RBM44: variants seen among roughly 807,000 people sequenced by gnomAD.
RBM44 encodes the protein RNA-binding protein 44.
Under a neutral mutation model 105.1 loss-of-function variants are expected in RBM44, and 66 were observed. The ratio of observed to expected loss-of-function variants is 0.63; its 90% CI spans 0.52 to 0.77. The LOEUF (loss-of-function observed/expected upper bound fraction) is 0.77. Among genes scored for constraint, RBM44 ranks in the 30% least tolerant of loss-of-function variants. The pLI, the probability that RBM44 is intolerant of heterozygous loss-of-function variation, is 0.00. For synonymous variants in RBM44, 365 were observed against 417.6 expected, an observed-to-expected ratio of 0.87 and a Z score of 1.54; for missense variants, 1,122 against 1,207.8, an observed-to-expected ratio of 0.93 and a Z score of 1.05.
chr2:237,817,695 T>G lies in RBM44; in HGVS notation c.776T>G (p.Leu259Arg). The G allele has an allele frequency of 6.2e-7, 1 of 1,612,642 alleles. No individual in the cohort carries two copies. The highest frequency in any genetic ancestry group is 8.5e-7 in the Non-Finnish European group (1 of 1,179,244). ...SLDVYGQEESLHVSKFQNSVM... is the reference protein window; with the variant it reads ...SLDVYGQEESRHVSKFQNSVM... Reference sequence around the variant, plus strand: ...GATGTTTATGGACAAGAAGAGTCACTTCATGTCTCCAAATTTCAGAATTCT... The same window carrying G: ...GATGTTTATGGACAAGAAGAGTCACGTCATGTCTCCAAATTTCAGAATTCT... Residue 259 changes from leucine to arginine, a missense_variant, in exon 3 of 16, where the codon CTT becomes CGT. Leu to Arg is a moderately radical substitution (Grantham distance 102, BLOSUM62 -2). Coordinates refer to ENST00000316997, the MANE Select transcript of RBM44 (RefSeq NM_001080504.3).
chr2:237,816,295 T>G (rs1368374156), intron 2 of RBM44, among the ~76,000 whole-genome samples: 1 of 152,176 alleles, frequency 6.6e-6, no homozygotes, highest in Non-Finnish European at 1.5e-5. Context: ...CTATGAAAAC[T>G]ATAAGCACTT....
intron 2 of RBM44, among the ~76,000 whole-genome samples, chr2:237,815,368 C>T (rs2061704067): frequency 6.6e-6 from 1 of 152,140 alleles, no homozygotes; most frequent in Non-Finnish European, 1.5e-5. Flanking sequence ...GAATTGAACT[C>T]ATTATCCTCA....
rs769023778 is a variant in RBM44, at chr2:237,817,999, A to G, written c.1080A>G (p.Thr360=). 2 of 1,613,026 alleles carry G rather than the reference A, an allele frequency of 1.2e-6. No homozygotes were observed. Among genetic ancestry groups the G allele is most frequent in the Non-Finnish European group, 1.7e-6 (2 of 1,179,384 alleles). ...TACTGCACCTTGAAAATCCTAGCAC[A>G]TTACCACAGGATAAAGCTTTAGAGA... The part of the protein sequence containing the change: ...KILLHLENPS[T]LPQDKALETL... Residue 360 remains threonine, a synonymous_variant, in exon 3 of 16, where the codon ACA becomes ACG. Transcript: ENST00000316997.
intron 4 of RBM44, among the ~76,000 whole-genome samples, chr2:237,819,450 C>A (rs1029104030): frequency 2.0e-5 from 3 of 151,912 alleles, no homozygotes; most frequent in Non-Finnish European, 4.4e-5. Context: ...GTCTAAGAAG[C>A]GAAATTAGTT....
At chr2:237,827,568 C>A in intron 12 of RBM44, 65 bp downstream of exon 12, 2 of 920,390 alleles carry the variant, frequency 2.2e-6, no homozygotes, top group Non-Finnish European at 3.4e-6. Context: ...AGGTTCTATA[C>A]CAGATATCAG....
intron 15 of RBM44, among the ~76,000 whole-genome samples, chr2:237,839,418 G>A (rs758744737): frequency 4.6e-5 from 7 of 152,042 alleles, no homozygotes; most frequent in Non-Finnish European, 8.8e-5. Context: ...CTACAGTCAC[G>A]CGCCAACACG....
rs2061728867 is a variant in RBM44 at position 237,817,269 on chromosome 2, C to T, written c.350C>T (p.Ser117Leu). The change falls in exon 3 of 16, where the codon TCA (serine) becomes TTA (leucine). Residue 117 changes from serine to leucine, a missense_variant. Transcript: ENST00000316997. ...FLNKTYSIPY[S>L]ESKLKKESLT... ...AATAAAACATATTCTATACCTTATT[C>T]AGAGTCAAAACTAAAGAAGGAAAGT... 1.9e-6 allele frequency: 3 copies of T among 1,607,688 alleles called. No individual in the cohort carries two copies. Among genetic ancestry groups the T allele is most frequent in the Non-Finnish European group, 2.5e-6 (3 of 1,177,160 alleles).
chr2:237,831,263 T>C (rs2061900733), intron 13 of RBM44, among the ~76,000 whole-genome samples: 2 of 145,574 alleles, frequency 1.4e-5, no homozygotes, highest in South Asian at 2.4e-4. Flanking sequence ...GGGGTTTGTC[T>C]TTGTTTTTGT....
intron 1 of RBM44, among the ~76,000 whole-genome samples, chr2:237,800,945 C>T (rs2061539470): frequency 6.6e-6 from 1 of 152,192 alleles, no homozygotes; most frequent in African/African-American, 2.4e-5. Flanking sequence ...TCTCAAACTC[C>T]TGACCTCAAG....
rs2061735412 is a variant in RBM44 at position 237,817,698 on chromosome 2, A to T, written c.779A>T (p.His260Leu). The change falls in exon 3 of 16, where the codon CAT (histidine) becomes CTT (leucine). Residue 260 changes from histidine to leucine, a missense_variant. Physicochemically the swap from His to Leu is moderately conservative, Grantham distance 99. This residue lies in a region of RBM44 where 918 missense variants were observed against 955.3 expected (regional missense o/e 0.96). Coordinates refer to ENST00000316997, the MANE Select transcript of RBM44 (RefSeq NM_001080504.3). Reference protein sequence around the residue: ...LDVYGQEESLHVSKFQNSVML... With the variant: ...LDVYGQEESLLVSKFQNSVML... ...GTTTATGGACAAGAAGAGTCACTTCATGTCTCCAAATTTCAGAATTCTGTT... is the reference window on the plus strand; with the variant it reads ...GTTTATGGACAAGAAGAGTCACTTCTTGTCTCCAAATTTCAGAATTCTGTT... The T allele has an allele frequency of 1.2e-6, 2 of 1,612,090 alleles. No individual in the cohort carries two copies. The highest frequency in any genetic ancestry group is 3.3e-5 in the Admixed American group (2 of 59,778).
chr2:237,812,047 G>A (rs1280054963), intron 1 of RBM44, among the ~76,000 whole-genome samples: 2 of 151,946 alleles, frequency 1.3e-5, no homozygotes, highest in African/African-American at 2.4e-5. Context: ...GTAGAGACAA[G>A]GTCTCACCAC....
rs542095903 is a variant in RBM44 at position 237,824,191 on chromosome 2, A to T, written c.2321-100A>T. The T allele has an allele frequency of 1.3e-4, 130 of 1,031,482 alleles. No individual in the cohort carries two copies. The South Asian group carries it at 2.2e-3, about 18-fold the overall frequency. 63.9% of individuals were successfully genotyped at this position (1,031,482 alleles called of 1,614,324 possible). ...TCTTTAGATTTATACATAAAACTCT[A>T]GTAGTCATCATCGTACTGATTCATC... On this transcript the variant is annotated intron_variant, in intron 9 of 15. Transcript: ENST00000316997.
intron 9 of RBM44, among the ~76,000 whole-genome samples, chr2:237,823,889 T>G (rs2061819852): frequency 6.6e-6 from 1 of 152,312 alleles, no homozygotes; most frequent in East Asian, 1.9e-4. Context: ...AAAAGATTAT[T>G]AATTTAATTG....
chr2:237,824,867 G>A (rs1042685648), intron 10 of RBM44, among the ~76,000 whole-genome samples: 1 of 152,026 alleles, frequency 6.6e-6, no homozygotes, highest in African/African-American at 2.4e-5. Flanking sequence ...GTCCTTAATT[G>A]CTTAGAATAG....
At chr2:237,822,487 G>C (rs1310555214) in intron 8 of RBM44, among the ~76,000 whole-genome samples, 1 of 151,934 alleles carries the variant, frequency 6.6e-6, no homozygotes, top group African/African-American at 2.4e-5. Context: ...TTCTGACCTT[G>C]GTTTTAACCC....
intron 9 of RBM44, among the ~76,000 whole-genome samples, chr2:237,823,843 C>T (rs975630787): frequency 6.6e-6 from 1 of 151,946 alleles, no homozygotes. Context: ...AAATTGTGTG[C>T]ATTTTTAGCA....
In RBM44 at chr2:237,817,063, T is replaced by C. The variant is rs2061725910; in HGVS notation, c.144T>C (p.Thr48=). Residue 48 remains threonine, a synonymous_variant, in exon 3 of 16, where the codon ACT becomes ACC. Coordinates refer to ENST00000316997, the MANE Select transcript of RBM44 (RefSeq NM_001080504.3). ...SSNGCDEVKL[T]FPDDDWNSST... Reference sequence around the variant, plus strand: ...ATGGTTGTGATGAAGTCAAATTGACTTTTCCTGATGATGACTGGAATTCTT... The same window carrying C: ...ATGGTTGTGATGAAGTCAAATTGACCTTTCCTGATGATGACTGGAATTCTT... 1 of 1,598,644 alleles carries C rather than the reference T, an allele frequency of 6.3e-7. No individual in the cohort carries two copies.
intron 1 of RBM44, among the ~76,000 whole-genome samples, chr2:237,801,301 C>T (rs2150964635): frequency 6.6e-6 from 1 of 152,204 alleles, no homozygotes; most frequent in South Asian, 2.1e-4. Flanking sequence ...CAGCCTCCAG[C>T]CTGGGCAACA....
chr2:237,813,690 T>C lies in RBM44; in HGVS notation c.73+8T>C, dbSNP rs1158331292. 1 of 1,560,472 alleles carries C rather than the reference T, an allele frequency of 6.4e-7. No homozygotes were observed. The highest frequency in any genetic ancestry group is 8.8e-7 in the Non-Finnish European group (1 of 1,131,428). On this transcript the variant is annotated splice_region_variant and intron_variant, in intron 2 of 15. Transcript: ENST00000316997. ...GAGGCAACCTCCAAAAAGGTAAGGG[T>C]CTAGTCCACTTACCCTTATTCTTGG...
Sources: allele counts gnomAD v4.1 joint callset (sites outside exome capture counted in the v4.1 genomes callset), GRCh38; gene constraint gnomAD v4.1.1; regional missense constraint gnomAD v4.1.1; transcripts MANE v1.5; gene names NCBI Gene and HGNC (gene_info 2026-07-23, HGNC 2026-07-21).